CPEB3: variants seen among roughly 807,000 people sequenced by gnomAD.
The protein encoded by CPEB3 is cytoplasmic polyadenylation element-binding protein 3.
Under a neutral mutation model 67.2 loss-of-function variants are expected in CPEB3, and 20 were observed. That is an observed-to-expected ratio of 0.30 (90% CI 0.21 to 0.43). CPEB3 has a LOEUF of 0.43. Ranked by LOEUF, CPEB3 falls within the 20% of genes least tolerant of loss-of-function variation. CPEB3 has a pLI of 1.00. For missense variants in CPEB3, 746 were observed against 968.6 expected (o/e 0.77, Z 3.05); for synonymous variants, 376 against 393.1 (o/e 0.96, Z 0.51).
chr10:92,191,359 G>A (rs945955185), intron 3 of CPEB3, among the ~76,000 whole-genome samples: 2 of 150,850 alleles, frequency 1.3e-5, no homozygotes, highest in African/African-American at 4.9e-5. Flanking sequence ...CCAAGATTGT[G>A]CCACTGCACT....
At chr10:92,275,571 A>G (rs971650835) in intron 1 of CPEB3, among the ~76,000 whole-genome samples, 1 of 152,154 alleles carries the variant, frequency 6.6e-6, no homozygotes, top group Non-Finnish European at 1.5e-5. Context: ...AAAGTGTACA[A>G]TTCAGTGGCT....
chr10:92,200,100 G>C (rs1312301326), intron 2 of CPEB3, among the ~76,000 whole-genome samples: 5 of 152,130 alleles, frequency 3.3e-5, no homozygotes, highest in Admixed American at 6.6e-5. Context: ...CTAACCTAAA[G>C]TCCTAATGAA....
chr10:92,107,876 G>A (rs1381593176), intron 7 of CPEB3, among the ~76,000 whole-genome samples: 1 of 152,170 alleles, frequency 6.6e-6, no homozygotes, highest in Admixed American at 6.5e-5. Flanking sequence ...AATAGTCTGA[G>A]TTGAGTAATT....
intron 6 of CPEB3, among the ~76,000 whole-genome samples, chr10:92,122,545 G>A (rs1256510893): frequency 6.6e-6 from 1 of 152,202 alleles, no homozygotes; most frequent in African/African-American, 2.4e-5. Flanking sequence ...CACTGCAGGG[G>A]ACTACTATCA....
rs1190053964 is a variant in CPEB3 at position 92,224,944 on chromosome 10, T to TA, written c.1005+14401dup. Among the ~76,000 whole-genome samples, 4 of 148,130 alleles carry TA rather than the reference T, an allele frequency of 2.7e-5. No individual in the cohort carries two copies. In the East Asian group the frequency reaches 5.8e-4, roughly 22 times the overall value. The stretch of plus-strand genomic sequence containing the variant: ...ATAATTTACATATTATATATAAATT[T>TA]AAAAAAATGAACCCTACCCCATTTT... On this transcript the variant is annotated intron_variant, in intron 2 of 9. Coordinates refer to ENST00000265997, the MANE Select transcript of CPEB3 (RefSeq NM_014912.5).
intron 1 of CPEB3, among the ~76,000 whole-genome samples, chr10:92,262,704 A>G (rs889191832): frequency 6.6e-6 from 1 of 152,172 alleles, no homozygotes; most frequent in Non-Finnish European, 1.5e-5. Context: ...TAAAAAATAA[A>G]TAAATAAATA....
In CPEB3 at chr10:92,145,183, G is replaced by T. The variant is rs184190222; in HGVS notation, c.1223-98C>A. 1.9e-3 allele frequency: 2,563 copies of T among 1,350,718 alleles called. 9 individuals are homozygous for T. Among genetic ancestry groups the T allele is most frequent in the Non-Finnish European group, 2.4e-3 (2,313 of 970,106 alleles). The allele number at this position is 1,350,718 out of a possible 1,614,324, so 83.7% of individuals were successfully genotyped here. A position where few individuals can be genotyped will look rare whatever the true frequency, so the allele number is the denominator to read the frequency against. ...ACAATAAATGCTCTATTAGAAGCCC[G>T]AAGTGCAGAGAGAAGCATACAAAAA... On this transcript the variant is annotated intron_variant, in intron 4 of 9. Coordinates refer to ENST00000265997, the MANE Select transcript of CPEB3 (RefSeq NM_014912.5).
chr10:92,182,566 C>T (rs1407742140), intron 3 of CPEB3, among the ~76,000 whole-genome samples: 3 of 152,138 alleles, frequency 2.0e-5, no homozygotes, highest in Admixed American at 1.3e-4. Flanking sequence ...TGGTTCATGC[C>T]TATAATCCCA....
chr10:92,087,070 G>C (rs1223151831), intron 8 of CPEB3, among the ~76,000 whole-genome samples: 4 of 152,008 alleles, frequency 2.6e-5, no homozygotes, highest in African/African-American at 9.7e-5. Flanking sequence ...TAAAGGATAG[G>C]GTTATAATAT....
intron 1 of CPEB3, among the ~76,000 whole-genome samples, chr10:92,275,139 G>C (rs1277584177): frequency 1.3e-5 from 2 of 152,156 alleles, no homozygotes; most frequent in Non-Finnish European, 2.9e-5. Flanking sequence ...TTTTGCTTAA[G>C]TTAGCTCTGG....
In CPEB3 at chr10:92,070,975, G is replaced by A. The variant is rs143250601; in HGVS notation, c.1869+10345C>T. ...TTTTTAATAAGCATCTTCCAGAAGA[G>A]TTCAAATATTAGTCATCCATGGTTT... On this transcript the variant is annotated intron_variant, in intron 9 of 9. Coordinates refer to ENST00000265997, the MANE Select transcript of CPEB3 (RefSeq NM_014912.5). 1.8e-3 allele frequency among the ~76,000 whole-genome samples: 277 copies of A among 151,856 alleles called. 1 individual carries two copies. Among genetic ancestry groups the A allele is most frequent in the African/African-American group, 6.5e-3 (269 of 41,404 alleles).
chr10:92,235,831 A>G (rs1187340768), intron 2 of CPEB3, among the ~76,000 whole-genome samples: 2 of 152,242 alleles, frequency 1.3e-5, no homozygotes, highest in Non-Finnish European at 2.9e-5. Flanking sequence ...AAATGAGCAT[A>G]GTAGTCTAGA....
At chr10:92,290,055 G>A (rs1253386114) in intron 1 of CPEB3, among the ~76,000 whole-genome samples, 2 of 150,810 alleles carry the variant, frequency 1.3e-5, no homozygotes, top group Non-Finnish European at 2.9e-5. Context: ...AATATACTTC[G>A]CAAATTTTGA....
intron 2 of CPEB3, among the ~76,000 whole-genome samples, chr10:92,194,375 G>T (rs1422786625): frequency 2.0e-5 from 3 of 151,876 alleles, no homozygotes; most frequent in Non-Finnish European, 4.4e-5. Flanking sequence ...GGAGGCAGAG[G>T]TTGCCGTGAG....
chr10:92,203,538 T>TA (rs1430630431), intron 2 of CPEB3, among the ~76,000 whole-genome samples: 4 of 148,404 alleles, frequency 2.7e-5, no homozygotes, highest in African/African-American at 9.9e-5. Context: ...ATTTTTTTTT[T>TA]AGAGGTGTAG....
At chr10:92,265,034 C>T (rs763646008) in intron 1 of CPEB3, among the ~76,000 whole-genome samples, 1 of 151,352 alleles carries the variant, frequency 6.6e-6, no homozygotes, top group Non-Finnish European at 1.5e-5. Flanking sequence ...TGATGGTGTG[C>T]GCCTGTGGTC....
Position 92,240,274 on chromosome 10 carries a change from G to GGCT in CPEB3, c.74_76dup (p.Gln25dup), listed in dbSNP as rs757238722. ...TTCGGATACGCTGGACTCAGGTTGG[G>GGCT]GCTGCTGCTGCTGCCGCTGCTGCTG... On this transcript the variant is annotated inframe_insertion, in exon 2 of 10. Transcript: ENST00000265997. 18 of 1,518,514 alleles carry GGCT rather than the reference G, an allele frequency of 1.2e-5. No homozygotes were observed. The highest frequency in any genetic ancestry group is 4.2e-5 in the African/African-American group (3 of 71,786). 94.1% of individuals were successfully genotyped at this position (1,518,514 alleles called of 1,614,324 possible). A position where few individuals can be genotyped will look rare whatever the true frequency, so the allele number is the denominator to read the frequency against.
At chr10:92,149,291 C>A (rs1846845536) in intron 4 of CPEB3, among the ~76,000 whole-genome samples, 1 of 152,236 alleles carries the variant, frequency 6.6e-6, no homozygotes, top group Non-Finnish European at 1.5e-5. Context: ...AATGACTTCT[C>A]TAAGATACCT....
intron 4 of CPEB3, among the ~76,000 whole-genome samples, chr10:92,155,695 T>G (rs546897312): frequency 3.3e-5 from 5 of 152,328 alleles, no homozygotes; most frequent in Middle Eastern, 3.4e-3. Flanking sequence ...CTCTCTCTCA[T>G]CATTCTCTTC....
Sources: allele counts gnomAD v4.1 joint callset (sites outside exome capture counted in the v4.1 genomes callset), GRCh38; gene constraint gnomAD v4.1.1; transcripts MANE v1.5; gene names NCBI Gene and HGNC (gene_info 2026-07-23, HGNC 2026-07-21).